PTPRD: variants seen among roughly 807,000 people sequenced by gnomAD.
The protein encoded by PTPRD is protein tyrosine phosphatase receptor type D.
PTPRD carries 34 observed loss-of-function variants against 214.5 expected under a neutral mutation model. The observed-to-expected ratio is 0.16, with a 90% CI of 0.12 to 0.21. The LOEUF (loss-of-function observed/expected upper bound fraction) is 0.21, where lower values mean the gene tolerates loss of function less well. PTPRD is among the 10% of genes least tolerant of loss of function. PTPRD has a pLI of 1.00. For missense variants in PTPRD, 2,545 were observed against 2,398.7 expected, an observed-to-expected ratio of 1.06 and a Z score of -1.27; for synonymous variants, 1,128 against 845.7, an observed-to-expected ratio of 1.33 and a Z score of -5.79.
chr9:10,341,676 C>T (rs1006953739), intron 2 of PTPRD, among the ~76,000 whole-genome samples: 3 of 151,866 alleles, frequency 2.0e-5, no homozygotes, highest in African/African-American at 4.8e-5. Flanking sequence ...AACATTGTAA[C>T]ATTATAGTTC....
intron 11 of PTPRD, among the ~76,000 whole-genome samples, chr9:9,011,625 G>A (rs2099512143): frequency 6.6e-6 from 1 of 152,088 alleles, no homozygotes; most frequent in Non-Finnish European, 1.5e-5. Flanking sequence ...TCTTACAATA[G>A]GAAATGCCCA....
intron 2 of PTPRD, among the ~76,000 whole-genome samples, chr9:10,508,341 G>A (rs968757201): frequency 5.3e-5 from 8 of 152,184 alleles, no homozygotes; most frequent in African/African-American, 1.9e-4. Context: ...CTTTTACACT[G>A]TTGGTGGGAC....
At chr9:9,759,234 G>C (rs984980305) in intron 6 of PTPRD, among the ~76,000 whole-genome samples, 1 of 152,090 alleles carries the variant, frequency 6.6e-6, no homozygotes, top group African/African-American at 2.4e-5. Context: ...CCTGTGTTCA[G>C]TCAGTCTGTA....
intron 11 of PTPRD, among the ~76,000 whole-genome samples, chr9:8,796,602 G>C (rs1032830248): frequency 6.6e-6 from 1 of 152,060 alleles, no homozygotes; most frequent in Non-Finnish European, 1.5e-5. Flanking sequence ...TTATTTGGAT[G>C]ACAGTAACTT....
chr9:9,522,032 C>T (rs1438921136), intron 8 of PTPRD, among the ~76,000 whole-genome samples: 2 of 151,828 alleles, frequency 1.3e-5, no homozygotes, highest in East Asian at 3.9e-4. Context: ...TGGCATACGC[C>T]TGTAATGCCA....
intron 2 of PTPRD, among the ~76,000 whole-genome samples, chr9:10,485,915 T>G (rs919393796): frequency 6.6e-6 from 1 of 152,144 alleles, no homozygotes; most frequent in Non-Finnish European, 1.5e-5. Context: ...TTCTGTGGTA[T>G]CAGTTGCAGT....
chr9:9,068,706 G>A (rs907088780), intron 10 of PTPRD, among the ~76,000 whole-genome samples: 3 of 151,984 alleles, frequency 2.0e-5, no homozygotes, highest in African/African-American at 7.3e-5. Flanking sequence ...CCGTCTCCCT[G>A]GTTCCAGCAA....
intron 2 of PTPRD, among the ~76,000 whole-genome samples, chr9:10,507,873 C>G (rs1249978803): frequency 2.0e-5 from 3 of 152,120 alleles, no homozygotes; most frequent in Non-Finnish European, 4.4e-5. Flanking sequence ...CAACACCATT[C>G]AGGACATAGG....
At chr9:8,829,749 A>C (rs979290159) in intron 11 of PTPRD, among the ~76,000 whole-genome samples, 1 of 152,172 alleles carries the variant, frequency 6.6e-6, no homozygotes, top group African/African-American at 2.4e-5. Context: ...CAACCATAGA[A>C]TCAGCTGACT....
At chr9:10,247,082 A>G (rs1311029664) in intron 3 of PTPRD, among the ~76,000 whole-genome samples, 1 of 152,164 alleles carries the variant, frequency 6.6e-6, no homozygotes, top group Non-Finnish European at 1.5e-5. Flanking sequence ...ATAAAATGTA[A>G]GGCAACTTTA....
At chr9:8,852,986 CG>C (rs2097848503) in intron 11 of PTPRD, among the ~76,000 whole-genome samples, 1 of 151,974 alleles carries the variant, frequency 6.6e-6, no homozygotes, top group South Asian at 2.1e-4. Context: ...GCAGTACACA[CG>C]GATGTAATAC....
At chr9:10,103,726 G>A (rs964821352) in intron 3 of PTPRD, among the ~76,000 whole-genome samples, 1 of 151,294 alleles carries the variant, frequency 6.6e-6, no homozygotes, top group East Asian at 2.0e-4. Flanking sequence ...GGAGTCTTAG[G>A]GATGCTTATC....
chr9:8,384,257 G>A (rs1419246079), intron 37 of PTPRD, among the ~76,000 whole-genome samples: 1 of 152,024 alleles, frequency 6.6e-6, no homozygotes, highest in Non-Finnish European at 1.5e-5. Context: ...CCTTCCATGT[G>A]GTTGCCCAGA....
chr9:10,510,720 A>C (rs2047716401), intron 2 of PTPRD, among the ~76,000 whole-genome samples: 1 of 152,130 alleles, frequency 6.6e-6, no homozygotes, highest in Admixed American at 6.6e-5. Context: ...AAACATTCCA[A>C]ATCTACTCTT....
Position 10,281,052 on chromosome 9 carries a change from T to C in PTPRD, c.-545+59911A>G, listed in dbSNP as rs865864683. Among the ~76,000 whole-genome samples the C allele has an allele frequency of 1.2e-4, 18 of 152,344 alleles. No individual in the cohort carries two copies. The South Asian group carries it at 2.3e-3, about 19-fold the overall frequency. ...TCATCTAGCAGTTTTGCTTCATTTA[T>C]GATACTCTAATTTTCCCAAGCAAAT... On this transcript the variant is annotated intron_variant, in intron 3 of 45. Transcript: ENST00000381196.
chr9:10,132,855 G>A (rs140796665), intron 3 of PTPRD, among the ~76,000 whole-genome samples: 1 of 152,128 alleles, frequency 6.6e-6, no homozygotes, highest in Non-Finnish European at 1.5e-5. Flanking sequence ...ACACCAAGGA[G>A]CCCTTCCTTC....
intron 8 of PTPRD, among the ~76,000 whole-genome samples, chr9:9,463,320 G>A (rs953800011): frequency 2.0e-5 from 3 of 152,094 alleles, no homozygotes; most frequent in African/African-American, 7.2e-5. Flanking sequence ...GCAAGGACAG[G>A]CTACATTAAC....
intron 10 of PTPRD, among the ~76,000 whole-genome samples, chr9:9,042,899 G>A (rs1569495916): frequency 6.6e-6 from 1 of 152,054 alleles, no homozygotes; most frequent in Non-Finnish European, 1.5e-5. Context: ...GGTCTGGGGT[G>A]GCAACAGCAG....
intron 6 of PTPRD, among the ~76,000 whole-genome samples, chr9:9,756,866 G>C (rs891472745): frequency 6.6e-6 from 1 of 152,146 alleles, no homozygotes; most frequent in Admixed American, 6.6e-5. Context: ...CTGAACATTA[G>C]TGACTTTCTA....
Sources: allele counts gnomAD v4.1 joint callset (sites outside exome capture counted in the v4.1 genomes callset), GRCh38; gene constraint gnomAD v4.1.1; transcripts MANE v1.5; gene names NCBI Gene and HGNC (gene_info 2026-07-23, HGNC 2026-07-21).